The following MTUS2 variants were observed in gnomAD, a reference collection of about 807,000 sequenced individuals.
MTUS2 encodes the protein microtubule-associated tumor suppressor candidate 2.
MTUS2 carries 40 observed loss-of-function variants against 114.1 expected under a neutral mutation model. That is an observed-to-expected ratio of 0.35 (90% CI 0.27 to 0.46). MTUS2 has a LOEUF of 0.46. MTUS2 is among the 20% of genes least tolerant of loss of function. The probability of loss-of-function intolerance (pLI) is 1.00; values close to 1 mark genes in which losing one functional copy is unlikely to be tolerated. For missense variants in MTUS2, 1,679 were observed against 1,705.4 expected (o/e 0.98, Z 0.27); for synonymous variants, 688 against 672.0 (o/e 1.02, Z -0.37).
chr13:29,121,734 G>A (rs1013365128), intron 5 of MTUS2, among the ~76,000 whole-genome samples: 3 of 150,954 alleles, frequency 2.0e-5, no homozygotes, highest in Admixed American at 6.6e-5. Flanking sequence ...GCGGCTCACC[G>A]CAACCTCCGC....
chr13:28,919,707 A>G (rs1468641011), intron 2 of MTUS2, among the ~76,000 whole-genome samples: 1 of 152,134 alleles, frequency 6.6e-6, no homozygotes, highest in East Asian at 1.9e-4. Flanking sequence ...AAAAACTCTT[A>G]GATTTGCCTT....
chr13:29,055,618 T>C (rs1472009987), intron 4 of MTUS2, among the ~76,000 whole-genome samples: 1 of 152,126 alleles, frequency 6.6e-6, no homozygotes, highest in Non-Finnish European at 1.5e-5. Flanking sequence ...ACATGCCATG[T>C]TTGGTTATCT....
chr13:29,179,146 AG>A (rs1893895704), intron 5 of MTUS2, among the ~76,000 whole-genome samples: 3 of 152,124 alleles, frequency 2.0e-5, no homozygotes, highest in Admixed American at 6.5e-5. Flanking sequence ...ATAGAGTAAT[AG>A]ATGGATGTTT....
intron 2 of MTUS2, among the ~76,000 whole-genome samples, chr13:28,966,159 T>A (rs1375398489): frequency 1.3e-5 from 2 of 152,226 alleles, no homozygotes; most frequent in African/African-American, 2.4e-5. Context: ...CACGGGGTTA[T>A]TTTATGATAC....
intron 7 of MTUS2, among the ~76,000 whole-genome samples, chr13:29,354,624 C>T (rs972953440): frequency 6.6e-5 from 10 of 152,072 alleles, no homozygotes; most frequent in African/African-American, 2.4e-4. Flanking sequence ...TACCTTGCTC[C>T]TACAGGGCAT....
At chr13:29,101,362 A>AC (rs1890413313) in intron 5 of MTUS2, among the ~76,000 whole-genome samples, 1 of 152,072 alleles carries the variant, frequency 6.6e-6, no homozygotes, top group South Asian at 2.1e-4. Flanking sequence ...GCCTGTGATT[A>AC]CCAGTAATGC....
intron 2 of MTUS2, among the ~76,000 whole-genome samples, chr13:28,915,664 AGTT>A (rs1052678367): frequency 2.3e-4 from 35 of 151,904 alleles, no homozygotes; most frequent in African/African-American, 8.4e-4. Context: ...TTTCCTATAC[AGTT>A]GTTTGAGCTC....
chr13:29,401,938 A>G (rs550973644), intron 8 of MTUS2, among the ~76,000 whole-genome samples: 1 of 152,202 alleles, frequency 6.6e-6, no homozygotes, highest in Non-Finnish European at 1.5e-5. Flanking sequence ...TTTGGAGACA[A>G]TTGGCAGCTT....
rs1230868768 is a variant in MTUS2 at position 28,898,410 on chromosome 13, C to T, written c.-243+58560C>T. Among the ~76,000 whole-genome samples the T allele has an allele frequency of 2.6e-5, 4 of 152,180 alleles. No homozygotes were observed. In the South Asian group the frequency reaches 8.3e-4, roughly 31 times the overall value. On this transcript the variant is annotated intron_variant, in intron 2 of 15. Transcript: ENST00000612955. The stretch of plus-strand genomic sequence containing the variant: ...CCATATCAGAGCATGGTATGTTCCT[C>T]GTGGGTTGTTGTTTGGGGCCAGAGC...
intron 6 of MTUS2, among the ~76,000 whole-genome samples, chr13:29,319,775 C>T (rs761885106): frequency 4.6e-5 from 7 of 151,992 alleles, no homozygotes; most frequent in African/African-American, 1.2e-4. Context: ...TAGCCTTAGC[C>T]GCACAGAGTC....
At chr13:29,281,435 G>GTA (rs896369991) in intron 5 of MTUS2, among the ~76,000 whole-genome samples, 6 of 150,942 alleles carry the variant, frequency 4.0e-5, no homozygotes, top group South Asian at 2.1e-4. Context: ...GTGTGTGTGT[G>GTA]TGTGTGTGTG....
At chr13:29,294,783 G>A (rs1041429568) in intron 6 of MTUS2, among the ~76,000 whole-genome samples, 6 of 152,194 alleles carry the variant, frequency 3.9e-5, no homozygotes, top group African/African-American at 1.2e-4. Context: ...ATTGTCCAGG[G>A]TTTTTGTTAT....
intron 5 of MTUS2, among the ~76,000 whole-genome samples, chr13:29,253,112 G>A (rs144757534): frequency 1.0e-3 from 156 of 150,338 alleles, no homozygotes; most frequent in African/African-American, 3.7e-3. Flanking sequence ...CCTCATCCTG[G>A]GTTATTTTCT....
At chr13:28,843,319 A>C (rs1385018051) in intron 2 of MTUS2, among the ~76,000 whole-genome samples, 1 of 151,998 alleles carries the variant, frequency 6.6e-6, no homozygotes, top group African/African-American at 2.4e-5. Context: ...AAATATCCTC[A>C]GATTTCGAGA....
At chr13:29,335,320 A>G (rs1166953513) in intron 7 of MTUS2, among the ~76,000 whole-genome samples, 1 of 152,192 alleles carries the variant, frequency 6.6e-6, no homozygotes, top group Non-Finnish European at 1.5e-5. Flanking sequence ...CTGCCTAATA[A>G]ATTTTGGTCA....
rs144105369 is a variant in MTUS2 at position 29,322,204 on chromosome 13, T to G, written c.2807-2409T>G. On this transcript the variant is annotated intron_variant, in intron 6 of 15. Coordinates refer to ENST00000612955, the MANE Select transcript of MTUS2 (RefSeq NM_001033602.4). Reference sequence around the variant, plus strand: ...ATAAATAATTGTATTTTGTTTTCCTTTAAGCACAAAACATTAGGTTTAGTG... The same window carrying G: ...ATAAATAATTGTATTTTGTTTTCCTGTAAGCACAAAACATTAGGTTTAGTG... Among the ~76,000 whole-genome samples the G allele has an allele frequency of 5.1e-3, 781 of 152,340 alleles. 5 individuals carry two copies. Among genetic ancestry groups the G allele is most frequent in the African/African-American group, 0.018 (744 of 41,570 alleles).
At chr13:29,102,217 G>T (rs183845959) in intron 5 of MTUS2, among the ~76,000 whole-genome samples, 1 of 152,320 alleles carries the variant, frequency 6.6e-6, no homozygotes, top group African/African-American at 2.4e-5. Context: ...GCAGTCTGAT[G>T]ATTTGAAAAT....
At chr13:29,395,397 TTGG>T (rs1873833762) in intron 8 of MTUS2, among the ~76,000 whole-genome samples, 1 of 152,104 alleles carries the variant, frequency 6.6e-6, no homozygotes, top group South Asian at 2.1e-4. Flanking sequence ...GCACTCAGTG[TTGG>T]TGGATTAGAT....
intron 2 of MTUS2, among the ~76,000 whole-genome samples, chr13:28,860,473 CA>C: frequency 6.6e-6 from 1 of 152,288 alleles, no homozygotes; most frequent in South Asian, 2.1e-4. Flanking sequence ...CATGTGAAAC[CA>C]GTGGAGAAAT....
Sources: allele counts gnomAD v4.1 joint callset (sites outside exome capture counted in the v4.1 genomes callset), GRCh38; gene constraint gnomAD v4.1.1; transcripts MANE v1.5; gene names NCBI Gene and HGNC (gene_info 2026-07-23, HGNC 2026-07-21).